EML1: variants seen among roughly 807,000 people sequenced by gnomAD.
EML1 encodes the protein EMAP like 1, also known as echinoderm microtubule-associated protein-like 1.
Under a neutral mutation model 110.4 loss-of-function variants are expected in EML1, and 27 were observed. That is an observed-to-expected ratio of 0.24 (90% CI 0.18 to 0.34). EML1 has a LOEUF of 0.34. Among genes scored for constraint, EML1 ranks in the 10% least tolerant of loss-of-function variants. EML1 has a pLI of 1.00. For synonymous variants in EML1, 344 were observed against 385.8 expected (o/e 0.89, Z 1.27); for missense variants, 741 against 1,030.9 (o/e 0.72, Z 3.85).
intron 9 of EML1, among the ~76,000 whole-genome samples, chr14:99,902,781 C>A (rs2059783281): frequency 6.6e-6 from 1 of 152,110 alleles, no homozygotes; most frequent in Admixed American, 6.5e-5. Flanking sequence ...TGGGGGGTCC[C>A]AAGATAACTT....
Position 99,781,671 on chromosome 14 carries a change from A to G in EML1, c.-27+7658A>G, listed in dbSNP as rs1452922393. 6.6e-6 allele frequency among the ~76,000 whole-genome samples: 1 copy of G among 152,216 alleles called. No individual in the cohort carries two copies. The highest frequency in any genetic ancestry group is 1.5e-5 in the Non-Finnish European group (1 of 68,030). ...GGCTTCCAAGGGGCTCCCATTGCCC[A>G]TAGACTAAGCCCAGCCTGTTAGTAT... On this transcript the variant is annotated intron_variant, in intron 1 of 22. Transcript: ENST00000327921. This position sits in a 1 kb window ranked among gnomAD's most constrained non-coding sequence, Gnocchi z 4.2.
chr14:99,860,887 T>A (rs1391120606), intron 2 of EML1, among the ~76,000 whole-genome samples: 2 of 152,126 alleles, frequency 1.3e-5, no homozygotes, highest in Non-Finnish European at 2.9e-5. Context: ...ATATTCTACT[T>A]GCTTCTGATG....
At chr14:99,924,977 G>A (rs574789112) in intron 17 of EML1, among the ~76,000 whole-genome samples, 4 of 152,190 alleles carry the variant, frequency 2.6e-5, no homozygotes, top group Non-Finnish European at 2.9e-5. Flanking sequence ...GTGTTTGCTA[G>A]GATTCTATTA....
chr14:99,765,069 C>G (rs1438313553), intron 1 of EML1, among the ~76,000 whole-genome samples: 1 of 151,952 alleles, frequency 6.6e-6, no homozygotes, highest in Admixed American at 6.6e-5. Context: ...TCCCGAGTAG[C>G]CAGGACCACA....
intron 1 of EML1, among the ~76,000 whole-genome samples, chr14:99,849,378 G>A (rs911998987): frequency 6.6e-6 from 1 of 151,860 alleles, no homozygotes; most frequent in Non-Finnish European, 1.5e-5. Flanking sequence ...TTTTTCTCTT[G>A]CTGCTTTTGG....
rs569335023 is a variant in EML1 at position 99,879,438 on chromosome 14, G to T, written c.518+819G>T. ...TTTCAGCTTCAGAGGCTAAGCATGTGTTTTTTTTCCCAAATGTTCATGTAA... is the reference window on the plus strand; with the variant it reads ...TTTCAGCTTCAGAGGCTAAGCATGTTTTTTTTTTCCCAAATGTTCATGTAA... On this transcript the variant is annotated intron_variant, in intron 4 of 21. Coordinates refer to ENST00000262233, the MANE Select transcript of EML1 (RefSeq NM_004434.3). Among the ~76,000 whole-genome samples, 4 of 149,180 alleles carry T rather than the reference G, an allele frequency of 2.7e-5. No individual in the cohort carries two copies. The South Asian group carries it at 9.5e-4, about 35-fold the overall frequency.
chr14:99,782,066 G>T (rs1290464957), intron 1 of EML1, among the ~76,000 whole-genome samples: 1 of 152,182 alleles, frequency 6.6e-6, no homozygotes, highest in Admixed American at 6.5e-5. Context: ...CTATCGTAGG[G>T]CACTGTTATC....
intron 2 of EML1, among the ~76,000 whole-genome samples, chr14:99,853,731 G>A (rs768048682): frequency 2.6e-5 from 4 of 152,134 alleles, no homozygotes; most frequent in East Asian, 1.9e-4. Flanking sequence ...GTGCAGTGGC[G>A]TGATCTTGGT....
intron 1 of EML1, among the ~76,000 whole-genome samples, chr14:99,782,008 C>T (rs916659780): frequency 2.6e-5 from 4 of 152,186 alleles, no homozygotes; most frequent in South Asian, 4.1e-4. Context: ...AGGGCAAGCA[C>T]GGCTAAACCC....
chr14:99,826,957 G>A (rs149211929), intron 1 of EML1, among the ~76,000 whole-genome samples: 139 of 152,340 alleles, frequency 9.1e-4, no homozygotes, highest in Middle Eastern at 3.4e-3. Flanking sequence ...GAGGCAGAGA[G>A]TGTCAGTAAA....
chr14:99,816,071 T>C (rs976600831), intron 1 of EML1, among the ~76,000 whole-genome samples: 4 of 152,244 alleles, frequency 2.6e-5, no homozygotes, highest in Admixed American at 6.5e-5. Context: ...AGGATTATTA[T>C]TGATGTCAAA....
chr14:99,756,578 T>C (rs184366745), intron 1 of EML1, among the ~76,000 whole-genome samples: 116 of 152,276 alleles, frequency 7.6e-4, no homozygotes, highest in African/African-American at 2.6e-3. Flanking sequence ...TCTAAGCCTA[T>C]ACCTAAAGAA....
At chr14:99,823,817 C>G (rs2058304784) in intron 1 of EML1, among the ~76,000 whole-genome samples, 1 of 152,258 alleles carries the variant, frequency 6.6e-6, no homozygotes, top group Admixed American at 6.5e-5. Flanking sequence ...CTGGCTGTCA[C>G]TTGGTATCTC....
At chr14:99,849,472 TTTGA>T (rs902668782) in intron 1 of EML1, among the ~76,000 whole-genome samples, 86 of 152,254 alleles carry the variant, frequency 5.6e-4, no homozygotes, top group African/African-American at 2.0e-3. Flanking sequence ...TTGCTTAGTC[TTTGA>T]TTAGTATCTC....
intron 4 of EML1, among the ~76,000 whole-genome samples, chr14:99,890,792 A>G (rs1206300812): frequency 6.6e-6 from 1 of 152,202 alleles, no homozygotes; most frequent in Non-Finnish European, 1.5e-5. Flanking sequence ...AAAAGGCCTC[A>G]CCAAAAGATC....
At chr14:99,795,571 AT>A (rs1288731817) in intron 1 of EML1, among the ~76,000 whole-genome samples, 2 of 152,214 alleles carry the variant, frequency 1.3e-5, no homozygotes, top group Non-Finnish European at 2.9e-5. Flanking sequence ...GATGTGAAAC[AT>A]TTTAAGAGGC....
At chr14:99,923,530 G>A (rs2060166407) in intron 17 of EML1, among the ~76,000 whole-genome samples, 1 of 52,072 alleles carries the variant, frequency 1.9e-5, no homozygotes, top group Admixed American at 1.8e-4. Flanking sequence ...GTTGTCCCAA[G>A]CACTTTTTGT....
intron 1 of EML1, among the ~76,000 whole-genome samples, chr14:99,761,236 TG>T (rs2057310802): frequency 6.6e-6 from 1 of 152,152 alleles, no homozygotes. Flanking sequence ...CTCTGGAGAC[TG>T]TAATCATCAC....
chr14:99,746,179 C>A (rs977075753), intron 1 of EML1, among the ~76,000 whole-genome samples: 23 of 152,274 alleles, frequency 1.5e-4, no homozygotes, highest in South Asian at 6.2e-4. Flanking sequence ...GAGTGGCTTG[C>A]CCAAGGTCAC....
Sources: gnomAD v4.1 joint callset for allele counts (sites outside exome capture counted in the v4.1 genomes callset) on GRCh38, gnomAD v4.1.1 for gene constraint, Gnocchi (gnomAD v3.1) non-coding constraint, MANE v1.5 for transcripts, NCBI Gene and HGNC (gene_info 2026-07-23, HGNC 2026-07-21) for gene names.